NDRG1: variants seen among roughly 807,000 people sequenced by gnomAD.
NDRG1 encodes the protein N-myc downstream regulated 1, also known as protein NDRG1.
Under a neutral mutation model 56.9 loss-of-function variants are expected in NDRG1, and 32 were observed. The observed-to-expected ratio is 0.56, with a 90% CI of 0.42 to 0.76. The LOEUF (loss-of-function observed/expected upper bound fraction) is 0.76, where lower values mean the gene tolerates loss of function less well. NDRG1 is among the 30% of genes least tolerant of loss of function. The pLI, the probability that NDRG1 is intolerant of heterozygous loss-of-function variation, is 0.00. For missense variants in NDRG1, 507 were observed against 545.7 expected (o/e 0.93, Z 0.71); for synonymous variants, 211 against 204.1 (o/e 1.03, Z -0.29).
chr8:133,238,711 C>T lies in NDRG1; in HGVS notation c.*167G>A. 2 of 842,596 alleles carry T rather than the reference C, an allele frequency of 2.4e-6. No homozygotes were observed. Among genetic ancestry groups the T allele is most frequent in the South Asian group, 1.9e-5 (1 of 53,570 alleles). 52.2% of individuals were successfully genotyped at this position (842,596 alleles called of 1,614,324 possible). A position where few individuals can be genotyped will look rare whatever the true frequency, so the allele number is the denominator to read the frequency against. ...CGCCACCCCGCCTTTGGAGAGGGCACCCACGTAATAGACCTCATTTGTCTC... is the reference window on the plus strand; with the variant it reads ...CGCCACCCCGCCTTTGGAGAGGGCATCCACGTAATAGACCTCATTTGTCTC... On this transcript the variant is annotated 3_prime_UTR_variant, in exon 16 of 16. Coordinates refer to ENST00000323851, the MANE Select transcript of NDRG1 (RefSeq NM_006096.4).
chr8:133,281,202 A>T (rs559239855), intron 2 of NDRG1: 1 of 152,306 alleles, frequency 6.6e-6, no homozygotes, highest in South Asian at 2.1e-4. Context: ...TACTAAAAAT[A>T]CAAAATTAGC....
chr8:133,259,032 C>A, intron 6 of NDRG1, 136 bp downstream of exon 6: 3 of 853,254 alleles, frequency 3.5e-6, no homozygotes, highest in Non-Finnish European at 4.1e-6. Flanking sequence ...CACAGAGTGA[C>A]GAGCTAATTT....
chr8:133,292,472 G>T (rs1858484556), intron 1 of NDRG1, among the ~76,000 whole-genome samples: 1 of 152,168 alleles, frequency 6.6e-6, no homozygotes, highest in Non-Finnish European at 1.5e-5. Flanking sequence ...GACATGGACA[G>T]GTCCCAGGAA....
chr8:133,271,393 G>A (rs1017169922), intron 3 of NDRG1, among the ~76,000 whole-genome samples: 1 of 152,056 alleles, frequency 6.6e-6, no homozygotes, highest in Non-Finnish European at 1.5e-5. Context: ...AGAATGTCAG[G>A]GGCCTGCCCC....
intron 3 of NDRG1, among the ~76,000 whole-genome samples, chr8:133,275,414 T>C (rs557293251): frequency 2.0e-5 from 3 of 152,330 alleles, no homozygotes; most frequent in African/African-American, 7.2e-5. Context: ...ATAACACATT[T>C]TTGCCCTTGG....
chr8:133,249,702 T>C (rs1242725111), intron 10 of NDRG1, among the ~76,000 whole-genome samples: 1 of 152,318 alleles, frequency 6.6e-6, no homozygotes, highest in Non-Finnish European at 1.5e-5. Flanking sequence ...TTCAGTCACA[T>C]CCACAGTGAG....
intron 1 of NDRG1, 112 bp downstream of exon 1, chr8:133,297,022 T>C (rs1402647391): frequency 6.2e-6 from 1 of 160,562 alleles, no homozygotes; most frequent in African/African-American, 2.4e-5. Flanking sequence ...CCGGGGCGCT[T>C]ACTCCTGGAG....
At chr8:133,254,433 G>A (rs888738122) in intron 9 of NDRG1, 106 bp downstream of exon 9, 2 of 1,180,844 alleles carry the variant, frequency 1.7e-6, no homozygotes, top group Non-Finnish European at 1.2e-6. Context: ...GTGGCCCCCA[G>A]TTGATTGTGT....
intron 5 of NDRG1, among the ~76,000 whole-genome samples, chr8:133,261,217 G>C (rs1380785087): frequency 6.6e-6 from 1 of 152,064 alleles, no homozygotes; most frequent in Non-Finnish European, 1.5e-5. Context: ...GGGATTATCT[G>C]GCCTAAGCCT....
At chr8:133,276,147 T>A (rs947332824) in intron 3 of NDRG1, among the ~76,000 whole-genome samples, 1 of 152,314 alleles carries the variant, frequency 6.6e-6, no homozygotes, top group East Asian at 1.9e-4. Flanking sequence ...CTCTGCTCTA[T>A]CCTTCCAAAG....
At chr8:133,240,928 A>G (rs548570331) in intron 15 of NDRG1, 1 of 152,314 alleles carries the variant, frequency 6.6e-6, no homozygotes, top group Admixed American at 6.5e-5. Context: ...CAGGCTAGAA[A>G]GGCAGGAGCC....
intron 4 of NDRG1, among the ~76,000 whole-genome samples, chr8:133,264,107 A>G (rs1243142454): frequency 6.6e-6 from 1 of 152,218 alleles, no homozygotes; most frequent in Non-Finnish European, 1.5e-5. Context: ...TATTTGATTC[A>G]ATGTATACAA....
intron 13 of NDRG1, among the ~76,000 whole-genome samples, chr8:133,245,076 G>A (rs574601268): frequency 2.6e-5 from 4 of 152,234 alleles, no homozygotes; most frequent in South Asian, 2.1e-4. Flanking sequence ...AGCCCAGGGC[G>A]CCTCAAGTCT....
chr8:133,294,842 A>G (rs34151693), intron 1 of NDRG1, among the ~76,000 whole-genome samples: 4,328 of 152,298 alleles, frequency 0.028, 79 homozygotes, highest in African/African-American at 0.043. Flanking sequence ...CAGAAATTCA[A>G]TGAAGATGCA....
chr8:133,242,137 G>C, intron 14 of NDRG1, 63 bp from the exon 15 acceptor site: 2 of 1,551,530 alleles, frequency 1.3e-6, no homozygotes, highest in Non-Finnish European at 1.8e-6. Flanking sequence ...CCGAGGCCAT[G>C]GGGGGCTGTG....
At chr8:133,290,934 G>A (rs771596971) in intron 1 of NDRG1, among the ~76,000 whole-genome samples, 9 of 152,190 alleles carry the variant, frequency 5.9e-5, no homozygotes, top group Non-Finnish European at 1.3e-4. Context: ...TGGGTAACCT[G>A]AGGCTCAAAA....
Position 133,257,563 on chromosome 8 carries a change from G to A in NDRG1, c.451-700C>T, listed in dbSNP as rs116739153. Among the ~76,000 whole-genome samples the A allele has an allele frequency of 7.2e-3, 1,100 of 152,260 alleles. 6 individuals carry two copies. Among genetic ancestry groups the A allele is most frequent in the African/African-American group, 0.025 (1,033 of 41,534 alleles). The stretch of plus-strand genomic sequence containing the variant: ...TTGCAACACAATGCTAAGTATTGAT[G>A]TATCTAAGCAAATCTAAACATAAAA... On this transcript the variant is annotated intron_variant, in intron 7 of 15. Transcript: ENST00000323851.
chr8:133,277,050 AC>A (rs1857491109), intron 3 of NDRG1, among the ~76,000 whole-genome samples: 1 of 152,272 alleles, frequency 6.6e-6, no homozygotes, highest in East Asian at 1.9e-4. Flanking sequence ...AACCCTGAGG[AC>A]ACGATGCTAA....
chr8:133,259,414 C>T, intron 5 of NDRG1, 184 bp from the exon 6 acceptor site: 1 of 653,616 alleles, frequency 1.5e-6, no homozygotes, highest in Middle Eastern at 4.0e-4. Context: ...CTATCAATTG[C>T]TTCCTACGCT....
Sources: allele counts gnomAD v4.1 joint callset (sites outside exome capture counted in the v4.1 genomes callset), GRCh38; gene constraint gnomAD v4.1.1; transcripts MANE v1.5; gene names NCBI Gene and HGNC (gene_info 2026-07-23, HGNC 2026-07-21).